Variants in MRTFA observed in about 807,000 individuals in gnomAD.
MRTFA encodes the protein myocardin related transcription factor A, also known as myocardin-related transcription factor A.
Under a neutral mutation model 83.5 loss-of-function variants are expected in MRTFA, and 20 were observed. The ratio of observed to expected loss-of-function variants is 0.24; its 90% CI spans 0.17 to 0.35. The LOEUF (loss-of-function observed/expected upper bound fraction) is 0.35. MRTFA is among the 10% of genes least tolerant of loss of function. MRTFA has a pLI of 1.00. For synonymous variants in MRTFA, 659 were observed against 541.2 expected, an observed-to-expected ratio of 1.22 and a Z score of -3.02; for missense variants, 1,200 against 1,224.7, an observed-to-expected ratio of 0.98 and a Z score of 0.30.
At chr22:40,478,494 C>T (rs1188147256) in intron 3 of MRTFA, among the ~76,000 whole-genome samples, 1 of 152,156 alleles carries the variant, frequency 6.6e-6, no homozygotes, top group African/African-American at 2.4e-5. Flanking sequence ...CCACGGAGGG[C>T]CTTTTCCTCT....
intron 3 of MRTFA, among the ~76,000 whole-genome samples, chr22:40,542,524 C>T (rs1483672113): frequency 6.6e-6 from 1 of 152,174 alleles, no homozygotes; most frequent in Admixed American, 6.5e-5. Flanking sequence ...ACTTAGCACA[C>T]AGTGCTAAGT....
intron 3 of MRTFA, among the ~76,000 whole-genome samples, chr22:40,504,781 A>G (rs2054553986): frequency 6.6e-6 from 1 of 152,176 alleles, no homozygotes; most frequent in Non-Finnish European, 1.5e-5. Context: ...AAATTATGAA[A>G]CATTCCAAAT....
chr22:40,475,168 T>G (rs1287459502), intron 3 of MRTFA, among the ~76,000 whole-genome samples: 1 of 152,128 alleles, frequency 6.6e-6, no homozygotes, highest in Non-Finnish European at 1.5e-5. Context: ...TTGAATCCAT[T>G]AGAGCTAGGA....
intron 3 of MRTFA, chr22:40,522,525 G>A (rs906120877): frequency 2.0e-5 from 3 of 152,266 alleles, no homozygotes; most frequent in Non-Finnish European, 4.4e-5. Flanking sequence ...TGTGCAGGAT[G>A]GTTGTTTTGT....
intron 3 of MRTFA, among the ~76,000 whole-genome samples, chr22:40,505,417 C>A (rs141114344): frequency 6.6e-6 from 1 of 152,232 alleles, no homozygotes; most frequent in African/African-American, 2.4e-5. Flanking sequence ...CAGTTTCTTG[C>A]AAAGTAAAAT....
chr22:40,507,972 C>CA (rs11315930), intron 3 of MRTFA, among the ~76,000 whole-genome samples: 1,771 of 37,548 alleles, frequency 0.047, 232 homozygotes, highest in Non-Finnish European at 0.06. Flanking sequence ...GACTCCACCT[C>CA]AAAAAAAAAA....
At chr22:40,628,116 T>A (rs558124673) in intron 1 of MRTFA, among the ~76,000 whole-genome samples, 1 of 152,226 alleles carries the variant, frequency 6.6e-6, no homozygotes, top group South Asian at 2.1e-4. Context: ...CAATGTCTAC[T>A]ATAAAGTAGA....
chr22:40,418,635 C>T lies in MRTFA; in HGVS notation c.2103G>A (p.Leu701=). The T allele has an allele frequency of 6.6e-7, 1 of 1,526,412 alleles. No individual in the cohort carries two copies. Among genetic ancestry groups the T allele is most frequent in the Non-Finnish European group, 8.7e-7 (1 of 1,145,006 alleles). 94.6% of individuals were successfully genotyped at this position (1,526,412 alleles called of 1,614,324 possible). A position where few individuals can be genotyped will look rare whatever the true frequency, so the allele number is the denominator to read the frequency against. ...CTATGTGGTTGGTGGCTGGGGCCGC[C>T]AGGCTGGGGTTGAATGGGTGAGCGG... The change falls in exon 12 of 15, where the codon CTG becomes CTA. Residue 701 remains leucine, a synonymous_variant. Coordinates refer to ENST00000355630, the MANE Select transcript of MRTFA (RefSeq NM_020831.6).
At position 40,429,667 on chromosome 22, in the gene MRTFA, G is replaced by C. The variant is rs750341369; in HGVS notation, c.540C>G (p.Pro180=). The C allele has an allele frequency of 4.3e-6, 7 of 1,614,136 alleles. 1 individual carries two copies. In the South Asian group the frequency reaches 7.7e-5, roughly 18 times the overall value. The change falls in exon 7 of 15, where the codon CCC becomes CCG. Residue 180 remains proline, a synonymous_variant. Transcript: ENST00000355630. ...GGATGTTCTTCTCCACCAGCTCCAT[G>C]GGGCCAGGCCTCTGTGCAATCTTCT...
intron 1 of MRTFA, among the ~76,000 whole-genome samples, chr22:40,625,364 C>T (rs2056569278): frequency 6.6e-6 from 1 of 151,612 alleles, no homozygotes. Context: ...ACCTGTAATC[C>T]CAACACTTTG....
chr22:40,508,226 C>T (rs940238489), intron 3 of MRTFA, among the ~76,000 whole-genome samples: 2 of 151,922 alleles, frequency 1.3e-5, no homozygotes, highest in African/African-American at 4.8e-5. Flanking sequence ...GATTTATTTA[C>T]GTGCTGGGCA....
At chr22:40,436,626 G>A (rs1438604299) in intron 4 of MRTFA, among the ~76,000 whole-genome samples, 1 of 152,168 alleles carries the variant, frequency 6.6e-6, no homozygotes, top group African/African-American at 2.4e-5. Flanking sequence ...TGGAAGGTCT[G>A]ACTCCTTTTG....
Position 40,459,820 on chromosome 22 carries a change from C to CACATAT in MRTFA, c.307+3395_307+3400dup, listed in dbSNP as rs1430436348. Among the ~76,000 whole-genome samples the CACATAT allele has an allele frequency of 4.7e-4, 39 of 82,930 alleles. 1 individual carries two copies. The highest frequency in any genetic ancestry group is 2.1e-3 in the African/African-American group (37 of 17,956). The allele number at this position is 82,930 out of a possible 152,430, so 54.4% of individuals were successfully genotyped here. ...ACACACACACACACACACACACACA[C>CACATAT]ACATATATACATATATATATATATA... On this transcript the variant is annotated intron_variant, in intron 4 of 14. Transcript: ENST00000355630.
chr22:40,594,235 C>T (rs1009259059), intron 2 of MRTFA, among the ~76,000 whole-genome samples: 5 of 152,200 alleles, frequency 3.3e-5, no homozygotes, highest in Non-Finnish European at 7.3e-5. Flanking sequence ...TCCTTTGTTG[C>T]ATTTAGTCTA....
Position 40,423,701 on chromosome 22 carries a change from G to T in MRTFA, c.778-16C>A. ...GAGACACAACCTGAGAGGGAAAAAG[G>T]GAAGTGAGGACATGGCCACCTCCAG... On this transcript the variant is annotated splice_polypyrimidine_tract_variant and intron_variant, in intron 8 of 14. Transcript: ENST00000355630. The T allele has an allele frequency of 6.6e-7, 1 of 1,520,534 alleles. No individual in the cohort carries two copies. The highest frequency in any genetic ancestry group is 8.9e-7 in the Non-Finnish European group (1 of 1,126,776). The allele number at this position is 1,520,534 out of a possible 1,614,324, so 94.2% of individuals were successfully genotyped here. A position where few individuals can be genotyped will look rare whatever the true frequency, so the allele number is the denominator to read the frequency against.
chr22:40,503,128 T>C (rs889240098), intron 3 of MRTFA, among the ~76,000 whole-genome samples: 1 of 151,988 alleles, frequency 6.6e-6, no homozygotes, highest in Non-Finnish European at 1.5e-5. Flanking sequence ...TCAAGAAGAG[T>C]CTAAAGAAAC....
chr22:40,618,893 A>T (rs1284915334), intron 1 of MRTFA, among the ~76,000 whole-genome samples: 1 of 151,926 alleles, frequency 6.6e-6, no homozygotes, highest in Non-Finnish European at 1.5e-5. Context: ...CTCAGGAGGC[A>T]GAGGTTTCAG....
intron 1 of MRTFA, among the ~76,000 whole-genome samples, chr22:40,625,755 G>A (rs2056575000): frequency 6.6e-6 from 1 of 151,850 alleles, no homozygotes; most frequent in African/African-American, 2.4e-5. Flanking sequence ...CTCCAGCCTG[G>A]GCAACAGAGC....
chr22:40,499,592 G>C (rs145272737), intron 3 of MRTFA, among the ~76,000 whole-genome samples: 572 of 152,098 alleles, frequency 3.8e-3, no homozygotes, highest in African/African-American at 0.012. Flanking sequence ...CTCCTTATCT[G>C]TGAAAAAAAA....
Sources: allele counts gnomAD v4.1 joint callset (sites outside exome capture counted in the v4.1 genomes callset), GRCh38; gene constraint gnomAD v4.1.1; transcripts MANE v1.5; gene names NCBI Gene and HGNC (gene_info 2026-07-23, HGNC 2026-07-21).